The following EP400 variants were observed in gnomAD, a reference collection of about 807,000 sequenced individuals.
EP400 encodes E1A binding protein p400, also known as E1A-binding protein p400.
EP400 carries 105 observed loss-of-function variants against 354.1 expected under a neutral mutation model. That is an observed-to-expected ratio of 0.30 (90% CI 0.25 to 0.35). The LOEUF is 0.35. Ranked by LOEUF, EP400 falls within the 10% of genes least tolerant of loss-of-function variation. EP400 has a pLI of 1.00. For synonymous variants in EP400, 1,646 were observed against 1,716.9 expected, an observed-to-expected ratio of 0.96 and a Z score of 1.02; for missense variants, 3,280 against 4,121.0, an observed-to-expected ratio of 0.80 and a Z score of 5.59.
At chr12:132,028,700 C>T (rs80216452) in intron 27 of EP400, among the ~76,000 whole-genome samples, 348 of 152,284 alleles carry the variant, frequency 2.3e-3, no homozygotes, top group African/African-American at 7.4e-3. Context: ...TAATGGAGAG[C>T]AAATCTGAGC....
At chr12:132,046,612 G>C (rs1895106196) in intron 39 of EP400, among the ~76,000 whole-genome samples, 2 of 152,206 alleles carry the variant, frequency 1.3e-5, no homozygotes, top group East Asian at 1.9e-4. Flanking sequence ...AGTCAGCTGT[G>C]TGGTTTGTAG....
chr12:132,045,381 G>C lies in EP400; in HGVS notation c.6847G>C (p.Asp2283His), dbSNP rs764092103. 2 of 1,614,220 alleles carry C rather than the reference G, an allele frequency of 1.2e-6. No individual in the cohort carries two copies. The highest frequency in any genetic ancestry group is 8.5e-7 in the Non-Finnish European group (1 of 1,180,048). Residue 2283 changes from aspartate (D) to histidine (H), a missense_variant, in exon 38 of 53, where the codon GAC becomes CAC. Asp to His is a moderately conservative substitution (Grantham distance 81, BLOSUM62 -1). Around this residue, in one of 20 missense-constraint regions of EP400, gnomAD observed 231 missense variants for 257.9 expected, o/e 0.90. Coordinates refer to ENST00000389561, the MANE Select transcript of EP400 (RefSeq NM_015409.5). Reference sequence around the variant, plus strand: ...GGTCGTCCCTCCTCGGTCCCTGTTTGACCGCGCAACACCAGGACTTCTGAA... The same window carrying C: ...GGTCGTCCCTCCTCGGTCCCTGTTTCACCGCGCAACACCAGGACTTCTGAA... Reference protein sequence around the residue: ...EAVVPPRSLFDRATPGLLKIR... With the variant: ...EAVVPPRSLFHRATPGLLKIR...
intron 30 of EP400, 24 bp downstream of exon 30, chr12:132,032,173 T>A: frequency 6.3e-7 from 1 of 1,597,574 alleles, no homozygotes; most frequent in South Asian, 1.1e-5. Flanking sequence ...GGGGATAGGA[T>A]CAGGAGATGC....
At chr12:131,988,808 A>G (rs1157403225) in intron 7 of EP400, among the ~76,000 whole-genome samples, 2 of 151,996 alleles carry the variant, frequency 1.3e-5, no homozygotes, top group Non-Finnish European at 1.5e-5. Context: ...GTCTTTGTTC[A>G]TATTTTCTGT....
chr12:131,985,879 A>G (rs1892838240), intron 5 of EP400, among the ~76,000 whole-genome samples: 1 of 152,202 alleles, frequency 6.6e-6, no homozygotes, highest in Non-Finnish European at 1.5e-5. Context: ...AAGTGCTGGT[A>G]TTATAGGCGT....
chr12:132,027,309 A>G lies in EP400; in HGVS notation c.5015-128A>G, dbSNP rs1016824618. The G allele has an allele frequency of 5.7e-6, 5 of 874,924 alleles. No homozygotes were observed. Among genetic ancestry groups the G allele is most frequent in the African/African-American group, 1.6e-5 (1 of 60,856 alleles). The allele number at this position is 874,924 out of a possible 1,614,324, so 54.2% of individuals were successfully genotyped here. Reference sequence around the variant, plus strand: ...TGGTGGAGGATGAGGACTTGGGGACATGCCGTTGCAGAATGACTTTCTGTG... The same window carrying G: ...TGGTGGAGGATGAGGACTTGGGGACGTGCCGTTGCAGAATGACTTTCTGTG... On this transcript the variant is annotated intron_variant, in intron 25 of 52. Transcript: ENST00000389561. The surrounding 1 kb of genome is among the most constrained non-coding windows in gnomAD (Gnocchi z 4.9).
rs549514087 is a variant in EP400 at position 131,982,119 on chromosome 12, G to A, written c.1570G>A (p.Ala524Thr). The change falls in exon 5 of 53, where the codon GCG becomes ACG. Residue 524 changes from alanine (A) to threonine (T), a missense_variant. Ala to Thr is a moderately conservative substitution (Grantham distance 58, BLOSUM62 0). Coordinates refer to ENST00000389561, the MANE Select transcript of EP400 (RefSeq NM_015409.5). ...AGGAATGCCCCCCACGCCGCAGGCCGCGCAGCTCGCTGGACAGAGGCAGAG... is the reference window on the plus strand; with the variant it reads ...AGGAATGCCCCCCACGCCGCAGGCCACGCAGCTCGCTGGACAGAGGCAGAG... ...QGGMPPTPQAAQLAGQRQSQQ... is the reference protein window; with the variant it reads ...QGGMPPTPQATQLAGQRQSQQ... 7.8e-6 allele frequency: 12 copies of A among 1,545,128 alleles called. No individual in the cohort carries two copies. Among genetic ancestry groups the A allele is most frequent in the East Asian group, 6.8e-5 (3 of 44,034 alleles).
At chr12:132,066,301 C>T (rs886740191) in intron 48 of EP400, 1 of 168,084 alleles carries the variant, frequency 5.9e-6, no homozygotes, top group Non-Finnish European at 1.3e-5. Flanking sequence ...TCTATACATA[C>T]AAAAATGGAA....
intron 19 of EP400, among the ~76,000 whole-genome samples, chr12:132,014,365 C>T (rs532051255): frequency 1.4e-4 from 22 of 152,280 alleles, no homozygotes; most frequent in African/African-American, 4.6e-4. Context: ...GGGTGGAATG[C>T]GCCACGCAAT....
rs771874252 is a variant in EP400, at chr12:132,043,357, G to T, written c.6261G>T (p.Glu2087Asp). 2.9e-5 allele frequency: 46 copies of T among 1,613,976 alleles called. No individual in the cohort carries two copies. The East Asian group carries it at 9.1e-4, about 32-fold the overall frequency. Reference protein sequence around the residue: ...LEEDAQKSAQEGVLGPHTDAL... With the variant: ...LEEDAQKSAQDGVLGPHTDAL... ...AGGATGCCCAGAAGTCCGCACAGGA[G>T]GGGGTGCTGGGACCACACACTGATG... Residue 2087 changes from glutamate (E) to aspartate (D), a missense_variant, in exon 33 of 53, where the codon GAG (glutamate) becomes GAT (aspartate). Physicochemically the swap from Glu to Asp is conservative, Grantham distance 45. This residue lies in a region of EP400 where 54 missense variants were observed against 41.3 expected (regional missense o/e 1.31). Coordinates refer to ENST00000389561, the MANE Select transcript of EP400 (RefSeq NM_015409.5).
chr12:131,977,229 C>G (rs368220779), intron 2 of EP400, among the ~76,000 whole-genome samples: 7 of 152,092 alleles, frequency 4.6e-5, no homozygotes, highest in Non-Finnish European at 1.0e-4. Context: ...CTCTGCCTCC[C>G]GGGTTCACGC....
chr12:132,064,024 ACCC>A (rs61095317), intron 47 of EP400, among the ~76,000 whole-genome samples: 7 of 76,916 alleles, frequency 9.1e-5, no homozygotes, highest in South Asian at 6.8e-4. Flanking sequence ...ACCACTGATG[ACCC>A]CCCCCCGGCC....
At chr12:131,970,646 C>T (rs1034964756) in intron 2 of EP400, among the ~76,000 whole-genome samples, 4 of 152,296 alleles carry the variant, frequency 2.6e-5, no homozygotes, top group East Asian at 1.9e-4. Context: ...CACATTGATG[C>T]GCAGGTGTAA....
At chr12:131,977,641 C>G (rs1199152482) in intron 2 of EP400, among the ~76,000 whole-genome samples, 1 of 152,088 alleles carries the variant, frequency 6.6e-6, no homozygotes, top group Non-Finnish European at 1.5e-5. Context: ...CAGAGGTAAC[C>G]ACTGCCAGGC....
rs1005176189 is a variant in EP400 at position 132,013,482 on chromosome 12, G to A, written c.3612-8G>A. ...GAACTCCAGTGTTGTCTCTTGTCCT[G>A]TTTGCAGCCAACAACGTCTGCTTCT... On this transcript the variant is annotated splice_polypyrimidine_tract_variant and splice_region_variant and intron_variant, in intron 17 of 52. Coordinates refer to ENST00000389561, the MANE Select transcript of EP400 (RefSeq NM_015409.5). The surrounding 1 kb of genome is among the most constrained non-coding windows in gnomAD (Gnocchi z 4.5). 4 of 1,553,166 alleles carry A rather than the reference G, an allele frequency of 2.6e-6. No individual in the cohort carries two copies. Among genetic ancestry groups the A allele is most frequent in the Non-Finnish European group, 3.5e-6 (4 of 1,148,786 alleles).
At chr12:132,006,601 C>G (rs1433339353) in intron 14 of EP400, 99 bp from the exon 15 acceptor site, 2 of 1,239,550 alleles carry the variant, frequency 1.6e-6, no homozygotes, top group African/African-American at 1.5e-5. Context: ...TTGTGGCTTT[C>G]TAATTGGTTT....
At chr12:132,040,291 A>G (rs1464607151) in intron 32 of EP400, among the ~76,000 whole-genome samples, 1 of 152,034 alleles carries the variant, frequency 6.6e-6, no homozygotes, top group African/African-American at 2.4e-5. Context: ...CACAGCCACC[A>G]TGGGAGACGG....
chr12:131,959,663 G>A (rs770336521), intron 1 of EP400, among the ~76,000 whole-genome samples: 3 of 152,224 alleles, frequency 2.0e-5, no homozygotes, highest in Non-Finnish European at 2.9e-5. Flanking sequence ...TCACCCCAGA[G>A]TGAGAGCCAG....
In EP400 at chr12:131,960,707, G is replaced by GACCCCCCCCCCCCCC; in HGVS notation, c.88_89insACCCCCCCCCCCCCC (p.Ala30delinsAspProProProProPro). ...TGGCAGCGAGGGTGAGGAGCAGCCG[G>GACCCCCCCCCCCCCC]CCCACCCCAACCCACCCCCGTCCCC... On this transcript the variant is annotated protein_altering_variant, in exon 2 of 53. Coordinates refer to ENST00000389561, the MANE Select transcript of EP400 (RefSeq NM_015409.5). 1 of 1,545,590 alleles carries GACCCCCCCCCCCCCC rather than the reference G, an allele frequency of 6.5e-7. No individual in the cohort carries two copies. Among genetic ancestry groups the GACCCCCCCCCCCCCC allele is most frequent in the Admixed American group, 2.0e-5 (1 of 50,216 alleles).
Sources: gnomAD v4.1 joint callset for allele counts (sites outside exome capture counted in the v4.1 genomes callset) on GRCh38, gnomAD v4.1.1 for gene constraint, gnomAD v4.1.1 regional missense constraint, Gnocchi (gnomAD v3.1) non-coding constraint, MANE v1.5 for transcripts, NCBI Gene and HGNC (gene_info 2026-07-23, HGNC 2026-07-21) for gene names.